The following MEIS2 variants were observed in gnomAD, a reference collection of about 807,000 sequenced individuals.
MEIS2 encodes Meis homeobox 2, also known as homeobox protein Meis2.
MEIS2 carries 9 observed loss-of-function variants against 58.6 expected under a neutral mutation model. That is an observed-to-expected ratio of 0.15 (90% CI 0.09 to 0.27). The LOEUF (loss-of-function observed/expected upper bound fraction) is 0.27. MEIS2 is among the 10% of genes least tolerant of loss of function. The probability of loss-of-function intolerance (pLI) is 1.00; values close to 1 mark genes in which losing one functional copy is unlikely to be tolerated. For synonymous variants in MEIS2, 221 were observed against 228.4 expected, an observed-to-expected ratio of 0.97 and a Z score of 0.29; for missense variants, 427 against 635.0, an observed-to-expected ratio of 0.67 and a Z score of 3.52.
At chr15:36,894,912 G>C in intron 11 of MEIS2, 1 of 1,092,074 alleles carries the variant, frequency 9.2e-7, no homozygotes, top group African/African-American at 1.6e-5. Flanking sequence ...TTATTGCCTT[G>C]GTTTAAAAAG....
At chr15:37,017,610 A>G (rs553920669) in intron 8 of MEIS2, among the ~76,000 whole-genome samples, 1 of 152,278 alleles carries the variant, frequency 6.6e-6, no homozygotes, top group South Asian at 2.1e-4. Flanking sequence ...CTCACACACA[A>G]AAAAGTGCCT....
At chr15:37,088,465 T>A (rs1362341956) in intron 6 of MEIS2, among the ~76,000 whole-genome samples, 1 of 152,170 alleles carries the variant, frequency 6.6e-6, no homozygotes, top group Non-Finnish European at 1.5e-5. Flanking sequence ...CAAAAAATAT[T>A]TTTAAAAATA....
chr15:36,948,888 T>A (rs756448247), intron 9 of MEIS2, among the ~76,000 whole-genome samples: 55 of 151,984 alleles, frequency 3.6e-4, no homozygotes, highest in Non-Finnish European at 3.7e-4. Context: ...AGGGTGTCTT[T>A]AAATGTACAC....
At chr15:37,073,508 T>A (rs76939018) in intron 7 of MEIS2, among the ~76,000 whole-genome samples, 4,614 of 152,110 alleles carry the variant, frequency 0.03, 120 homozygotes, top group East Asian at 0.094. Context: ...AATATCTTTG[T>A]GTATTAAATT....
At position 37,098,387 on chromosome 15, in the gene MEIS2, A is replaced by G. The variant is rs868367306; in HGVS notation, c.13-188T>C. 5.0e-4 allele frequency: 462 copies of G among 917,014 alleles called. 1 individual carries two copies. The African/African-American group carries it at 5.6e-3, about 11-fold the overall frequency. The allele number at this position is 917,014 out of a possible 1,614,324, so 56.8% of individuals were successfully genotyped here. On this transcript the variant is annotated intron_variant, in intron 1 of 11. Transcript: ENST00000561208. ...GGAAAAGGAGGAGAGGGGGAGAGAG[A>G]GAGAGAGAGAGAGAGAGAGAGAGAG... is the stretch of plus-strand genomic sequence containing the variant.
chr15:37,090,691 A>G (rs1331656831), intron 6 of MEIS2, among the ~76,000 whole-genome samples: 1 of 152,106 alleles, frequency 6.6e-6, no homozygotes, highest in African/African-American at 2.4e-5. Context: ...ACACACACAC[A>G]CAATGAAGCT....
At chr15:37,023,737 C>T (rs748087102) in intron 8 of MEIS2, among the ~76,000 whole-genome samples, 16 of 152,224 alleles carry the variant, frequency 1.1e-4, no homozygotes, top group Non-Finnish European at 1.8e-4. Flanking sequence ...GTCTGCATTT[C>T]CGTGCCTTCC....
intron 8 of MEIS2, among the ~76,000 whole-genome samples, chr15:37,030,509 G>A (rs186379816): frequency 5.1e-4 from 78 of 152,058 alleles, no homozygotes; most frequent in African/African-American, 1.8e-3. Flanking sequence ...GCTAATTTTT[G>A]TATTTTTAGT....
rs958853837 is a variant in MEIS2, at chr15:37,069,807, G to A, written c.754+13964C>T. 3.9e-5 allele frequency among the ~76,000 whole-genome samples: 6 copies of A among 152,098 alleles called. No individual in the cohort carries two copies. In the South Asian group the frequency reaches 6.2e-4, roughly 16 times the overall value. ...AATATTTGCTAAACCAGAGATCTAG[G>A]ACAGTGAGATGTAGACAAGGTGGGG... On this transcript the variant is annotated intron_variant, in intron 7 of 11. Coordinates refer to ENST00000561208, the MANE Select transcript of MEIS2 (RefSeq NM_170675.5).
chr15:36,905,049 T>TGC (rs1457486737), intron 9 of MEIS2, among the ~76,000 whole-genome samples: 2 of 151,928 alleles, frequency 1.3e-5, no homozygotes, highest in Non-Finnish European at 2.9e-5. Context: ...TGTGTGTGTG[T>TGC]GCACATGTAC....
At chr15:36,984,857 T>C (rs1456370098) in intron 8 of MEIS2, among the ~76,000 whole-genome samples, 1 of 152,118 alleles carries the variant, frequency 6.6e-6, no homozygotes, top group African/African-American at 2.4e-5. Flanking sequence ...TTCTTTTAGG[T>C]TATTTAATTT....
intron 7 of MEIS2, among the ~76,000 whole-genome samples, chr15:37,053,639 A>G (rs551119434): frequency 2.0e-5 from 3 of 152,334 alleles, no homozygotes; most frequent in African/African-American, 7.2e-5. Context: ...AAATTCTCCC[A>G]AAAGTGCTGT....
At chr15:37,099,284 A>T (rs1361682281) in intron 1 of MEIS2, 171 bp downstream of exon 1, 1 of 1,478,372 alleles carries the variant, frequency 6.8e-7, no homozygotes, top group Non-Finnish European at 9.0e-7. Context: ...ACACACGCAG[A>T]GGCACGGGAG....
chr15:36,915,237 T>C (rs929390764), intron 9 of MEIS2, among the ~76,000 whole-genome samples: 1 of 151,996 alleles, frequency 6.6e-6, no homozygotes, highest in Non-Finnish European at 1.5e-5. Flanking sequence ...TGTCCTGTTA[T>C]TAAGATTTTT....
At chr15:36,947,504 C>CA (rs765394637) in intron 9 of MEIS2, among the ~76,000 whole-genome samples, 17 of 151,980 alleles carry the variant, frequency 1.1e-4, no homozygotes, top group Non-Finnish European at 2.1e-4. Flanking sequence ...TGTTATTTCT[C>CA]AGTGCTGCTT....
chr15:37,036,116 C>G (rs1429483875), intron 8 of MEIS2, among the ~76,000 whole-genome samples: 1 of 152,128 alleles, frequency 6.6e-6, no homozygotes, highest in African/African-American at 2.4e-5. Flanking sequence ...TCCACACATA[C>G]AAGGATTGCA....
At chr15:37,023,159 C>A (rs1247539939) in intron 8 of MEIS2, among the ~76,000 whole-genome samples, 34 of 152,060 alleles carry the variant, frequency 2.2e-4, no homozygotes. Context: ...AATTCCTTTG[C>A]TTTTACTCTC....
intron 6 of MEIS2, among the ~76,000 whole-genome samples, chr15:37,092,083 A>G (rs2701523): frequency 0.21 from 32,325 of 152,150 alleles, 3,780 homozygotes; most frequent in Middle Eastern, 0.35. Flanking sequence ...CATTACATTC[A>G]CTCAATATAC....
intron 7 of MEIS2, among the ~76,000 whole-genome samples, chr15:37,080,232 T>C (rs939406732): frequency 1.3e-5 from 2 of 152,110 alleles, no homozygotes; most frequent in Admixed American, 1.3e-4. Flanking sequence ...ACCCATACCA[T>C]TGTTCAAACC....
Sources: gnomAD v4.1 joint callset for allele counts (sites outside exome capture counted in the v4.1 genomes callset) on GRCh38, gnomAD v4.1.1 for gene constraint, MANE v1.5 for transcripts, NCBI Gene and HGNC (gene_info 2026-07-23, HGNC 2026-07-21) for gene names.